The following UBE4B variants were observed in gnomAD, a reference collection of about 807,000 sequenced individuals.
UBE4B encodes ubiquitin conjugation factor E4 B.
UBE4B carries 27 observed loss-of-function variants against 148.1 expected under a neutral mutation model. The observed-to-expected ratio is 0.18, with a 90% CI of 0.13 to 0.25. UBE4B has a LOEUF of 0.25. UBE4B is among the 10% of genes least tolerant of loss of function. UBE4B has a pLI of 1.00. For synonymous variants in UBE4B, 596 were observed against 619.3 expected (o/e 0.96, Z 0.56); for missense variants, 1,170 against 1,662.4 (o/e 0.70, Z 5.15).
Position 10,101,105 on chromosome 1 carries a change from A to C in UBE4B, c.348-3A>C, listed in dbSNP as rs78519671. The C allele has an allele frequency of 3.6e-3, 5,803 of 1,613,930 alleles. 123 individuals carry two copies. In the African/African-American group the frequency reaches 0.057, roughly 16 times the overall value. On this transcript the variant is annotated splice_region_variant and splice_polypyrimidine_tract_variant and intron_variant, in intron 3 of 27. Transcript: ENST00000343090. ...AAGGCTTGTTTGTCTTTTGTACTTT[A>C]AGCATGTCCCAGGTGGATGTGGATT...
intron 3 of UBE4B, among the ~76,000 whole-genome samples, chr1:10,097,765 G>A (rs1277031987): frequency 2.6e-5 from 4 of 152,048 alleles, no homozygotes; most frequent in African/African-American, 4.8e-5. Context: ...ACCTGAGATC[G>A]CACCGCTGCA....
chr1:10,041,597 AGT>A (rs750177365), intron 1 of UBE4B, among the ~76,000 whole-genome samples: 7 of 151,812 alleles, frequency 4.6e-5, no homozygotes, highest in Admixed American at 2.0e-4. Context: ...GGCCTTCCAA[AGT>A]GCTGGGATTA....
intron 2 of UBE4B, among the ~76,000 whole-genome samples, chr1:10,077,721 G>A (rs1161841016): frequency 1.3e-5 from 2 of 152,180 alleles, no homozygotes; most frequent in African/African-American, 4.8e-5. Flanking sequence ...TTTTCCTGAT[G>A]TGCTGAGTGC....
chr1:10,080,963 T>G (rs901983965), intron 2 of UBE4B, among the ~76,000 whole-genome samples: 5 of 152,174 alleles, frequency 3.3e-5, no homozygotes, highest in Admixed American at 3.3e-4. Flanking sequence ...TTCAGTTAGA[T>G]CAGAGGAAAA....
intron 15 of UBE4B, among the ~76,000 whole-genome samples, chr1:10,134,459 C>T (rs1050318817): frequency 1.3e-5 from 2 of 151,880 alleles, no homozygotes; most frequent in African/African-American, 2.4e-5. Context: ...TTGTAGTGAG[C>T]GAGGATCGTG....
chr1:10,110,952 T>C (rs1374115832), intron 7 of UBE4B, among the ~76,000 whole-genome samples: 1 of 151,684 alleles, frequency 6.6e-6, no homozygotes, highest in Non-Finnish European at 1.5e-5. Flanking sequence ...GTCGTGATCA[T>C]GCCACTGCAC....
chr1:10,147,232 T>C, intron 19 of UBE4B, 142 bp downstream of exon 19: 2 of 1,351,286 alleles, frequency 1.5e-6, no homozygotes, highest in Non-Finnish European at 1.0e-6. Flanking sequence ...GGTTCACGCC[T>C]GTAATCCCAG....
intron 5 of UBE4B, 186 bp downstream of exon 5, chr1:10,103,278 A>T (rs1253098253): frequency 1.7e-5 from 8 of 483,230 alleles, no homozygotes; most frequent in Non-Finnish European, 2.5e-5. Context: ...GATCTTATCG[A>T]TAACTTATTT....
chr1:10,168,395 C>A lies in UBE4B; in HGVS notation c.3333+125C>A. 7.1e-7 allele frequency: 1 copy of A among 1,408,208 alleles called. No individual in the cohort carries two copies. The highest frequency in any genetic ancestry group is 9.5e-7 in the Non-Finnish European group (1 of 1,051,728). The allele number at this position is 1,408,208 out of a possible 1,614,324, so 87.2% of individuals were successfully genotyped here. On this transcript the variant is annotated intron_variant, in intron 24 of 27. Transcript: ENST00000343090. This position sits in a 1 kb window ranked among gnomAD's most constrained non-coding sequence, Gnocchi z 4.9. ...ATCACAGTCATCAATAAGTGAAATTCTGTGACTGATTTTGTTCCCAGTTAT... is the reference window on the plus strand; with the variant it reads ...ATCACAGTCATCAATAAGTGAAATTATGTGACTGATTTTGTTCCCAGTTAT...
intron 2 of UBE4B, among the ~76,000 whole-genome samples, chr1:10,086,705 T>C (rs911615887): frequency 6.7e-5 from 10 of 149,058 alleles, no homozygotes; most frequent in Admixed American, 6.0e-4. Flanking sequence ...CTCTTTTCTC[T>C]TTTTTTTTTG....
In UBE4B at chr1:10,175,426, C is replaced by T. The variant is rs564784627; in HGVS notation, c.3526-3218C>T. On this transcript the variant is annotated intron_variant, in intron 25 of 27. Coordinates refer to ENST00000343090, the MANE Select transcript of UBE4B (RefSeq NM_001105562.3). ...CAGCACTTTGGGAGGCCAAGGCGGGCGGATCACAAGGTCAGGAGATCGAGA... is the reference window on the plus strand; with the variant it reads ...CAGCACTTTGGGAGGCCAAGGCGGGTGGATCACAAGGTCAGGAGATCGAGA... Among the ~76,000 whole-genome samples the T allele has an allele frequency of 3.8e-3, 572 of 151,776 alleles. 2 individuals carry two copies. The highest frequency in any genetic ancestry group is 0.01 in the African/African-American group (417 of 41,274).
chr1:10,171,382 A>G, intron 25 of UBE4B, 53 bp downstream of exon 25: 2 of 1,583,180 alleles, frequency 1.3e-6, no homozygotes, highest in East Asian at 4.5e-5. Flanking sequence ...TTTGGAGATA[A>G]TAACCACAGT....
At chr1:10,108,172 C>CGT (rs1557560332) in intron 7 of UBE4B, among the ~76,000 whole-genome samples, 1 of 151,214 alleles carries the variant, frequency 6.6e-6, no homozygotes, top group Non-Finnish European at 1.5e-5. Flanking sequence ...TGTGTGCGTG[C>CGT]GTGCTCCCTT....
intron 22 of UBE4B, among the ~76,000 whole-genome samples, chr1:10,159,921 C>A (rs1646133925): frequency 6.6e-6 from 1 of 152,192 alleles, no homozygotes; most frequent in African/African-American, 2.4e-5. Flanking sequence ...AAGCCTGGCA[C>A]GAGGCAGGCC....
At chr1:10,137,848 G>A (rs371098904) in intron 17 of UBE4B, among the ~76,000 whole-genome samples, 6 of 150,334 alleles carry the variant, frequency 4.0e-5, no homozygotes, top group African/African-American at 9.8e-5. Context: ...TAGAACCTGC[G>A]TAGTCTGTCT....
At chr1:10,077,844 C>T (rs756736306) in intron 2 of UBE4B, among the ~76,000 whole-genome samples, 1 of 152,284 alleles carries the variant, frequency 6.6e-6, no homozygotes, top group East Asian at 1.9e-4. Flanking sequence ...GCCTATGGAA[C>T]CAAGTCCACA....
At position 10,168,480 on chromosome 1, in the gene UBE4B, A is replaced by G. The variant is rs1051471729; in HGVS notation, c.3333+210A>G. Among the ~76,000 whole-genome samples, 1 of 152,260 alleles carries G rather than the reference A, an allele frequency of 6.6e-6. No homozygotes were observed. The highest frequency in any genetic ancestry group is 1.5e-5 in the Non-Finnish European group (1 of 68,044). The stretch of plus-strand genomic sequence containing the variant: ...GAGCAGATGTCTGATGTCACCACAT[A>G]GTCTACAGCCACTTCCAAATGCCTT... On this transcript the variant is annotated intron_variant, in intron 24 of 27. Transcript: ENST00000343090. This position sits in a 1 kb window ranked among gnomAD's most constrained non-coding sequence, Gnocchi z 4.9.
At chr1:10,093,862 T>C (rs1205828841) in intron 2 of UBE4B, among the ~76,000 whole-genome samples, 4 of 151,902 alleles carry the variant, frequency 2.6e-5, no homozygotes, top group African/African-American at 9.7e-5. Flanking sequence ...GCCCAGCTAA[T>C]TTTTGTATTT....
Position 10,106,136 on chromosome 1 carries a change from T to C in UBE4B, c.810-61T>C, listed in dbSNP as rs868812734. The C allele has an allele frequency of 3.9e-5, 58 of 1,498,216 alleles. No homozygotes were observed. The Middle Eastern group carries it at 1.6e-3, about 42-fold the overall frequency. 92.8% of individuals were successfully genotyped at this position (1,498,216 alleles called of 1,614,324 possible). ...AAAGCTTGATATTTTCTGTTTTAGTTAGTTATCTCAAGTTTTTCTTTGATT... is the reference window on the plus strand; with the variant it reads ...AAAGCTTGATATTTTCTGTTTTAGTCAGTTATCTCAAGTTTTTCTTTGATT... On this transcript the variant is annotated intron_variant, in intron 6 of 27. Transcript: ENST00000343090. The surrounding 1 kb of genome is among the most constrained non-coding windows in gnomAD (Gnocchi z 4.2).
Sources: gnomAD v4.1 joint callset for allele counts (sites outside exome capture counted in the v4.1 genomes callset) on GRCh38, gnomAD v4.1.1 for gene constraint, Gnocchi (gnomAD v3.1) non-coding constraint, MANE v1.5 for transcripts, NCBI Gene and HGNC (gene_info 2026-07-23, HGNC 2026-07-21) for gene names.